The following ERCC5 variants were observed in gnomAD, a reference collection of about 807,000 sequenced individuals.
ERCC5 encodes the protein ERCC excision repair 5, endonuclease, also known as DNA excision repair protein ERCC-5.
In ERCC5, 68 loss-of-function variants were observed where a neutral mutation model predicts 105.6. The ratio of observed to expected loss-of-function variants is 0.64; its 90% CI spans 0.53 to 0.79. ERCC5 has a LOEUF of 0.79. Ranked by LOEUF, ERCC5 falls within the 30% of genes least tolerant of loss-of-function variation. The pLI, the probability that ERCC5 is intolerant of heterozygous loss-of-function variation, is 0.00. For missense variants in ERCC5, 1,373 were observed against 1,426.7 expected (o/e 0.96, Z 0.61); for synonymous variants, 546 against 526.2 (o/e 1.04, Z -0.51).
intron 13 of ERCC5, among the ~76,000 whole-genome samples, chr13:102,872,868 G>C (rs759913827): frequency 6.6e-6 from 1 of 152,202 alleles, no homozygotes; most frequent in African/African-American, 2.4e-5. Flanking sequence ...TGTCCTTTCC[G>C]TGTATATTTA....
At chr13:102,852,383 T>C in intron 2 of ERCC5, 90 bp downstream of exon 2, 1 of 1,432,444 alleles carries the variant, frequency 7.0e-7, no homozygotes, top group Non-Finnish European at 9.6e-7. Context: ...TGTTTTCTCT[T>C]TAGAATTTTA....
chr13:102,873,283 G>A lies in ERCC5; in HGVS notation c.2904G>A (p.Trp968Ter). The A allele has an allele frequency of 6.2e-7, 1 of 1,614,100 alleles. No individual in the cohort carries two copies. The highest frequency in any genetic ancestry group is 8.5e-7 in the Non-Finnish European group (1 of 1,180,006). The change falls in exon 14 of 15, where the codon TGG becomes TGA. Residue 968 changes from tryptophan (W) to a stop codon, truncating the protein, a stop_gained. Transcript: ENST00000652225. LOFTEE classifies it high-confidence loss of function. Reference sequence around the variant, plus strand: ...TATTTTGTCAGCGGTATTTCGGCTGGAACAGAACGAAGACAGATGAATCTC... The same window carrying A: ...TATTTTGTCAGCGGTATTTCGGCTGAAACAGAACGAAGACAGATGAATCTC... Reference protein sequence around the residue: ...IREFCQRYFGWNRTKTDESLF... With the variant: ...IREFCQRYFG
intron 10 of ERCC5, 82 bp downstream of exon 10, chr13:102,866,463 G>T (rs778220862): frequency 1.2e-6 from 2 of 1,611,174 alleles, no homozygotes; most frequent in Non-Finnish European, 1.7e-6. Flanking sequence ...GGTATGCACT[G>T]TGCCCCCTGG....
rs766848707 is a variant in ERCC5, at chr13:102,865,616, T to C, written c.1955-51T>C. ...CAGAAAGCTCTTGATGATTGCAGGA[T>C]CATTTTAATGTTTTGATTGTAGATG... is the stretch of plus-strand genomic sequence containing the variant. On this transcript the variant is annotated intron_variant, in intron 8 of 14. Coordinates refer to ENST00000652225, the MANE Select transcript of ERCC5 (RefSeq NM_000123.4). This position sits in a 1 kb window ranked among gnomAD's most constrained non-coding sequence, Gnocchi z 4.0. 6.2e-7 allele frequency: 1 copy of C among 1,606,212 alleles called. No individual in the cohort carries two copies. The highest frequency in any genetic ancestry group is 8.5e-7 in the Non-Finnish European group (1 of 1,176,810).
chr13:102,852,033 T>A, intron 1 of ERCC5, 85 bp from the exon 2 acceptor site: 1 of 1,458,236 alleles, frequency 6.9e-7, no homozygotes, highest in Non-Finnish European at 9.5e-7. Flanking sequence ...TGTTCAACGT[T>A]TGGATAATAT....
chr13:102,865,571 T>G lies in ERCC5; in HGVS notation c.1955-96T>G, dbSNP rs1292875996. 6.6e-7 allele frequency: 1 copy of G among 1,516,870 alleles called. No homozygotes were observed. The highest frequency in any genetic ancestry group is 1.4e-5 in the African/African-American group (1 of 72,570). The allele number at this position is 1,516,870 out of a possible 1,614,324, so 94.0% of individuals were successfully genotyped here. ...AGTCATATCTTTCCTTTTTAGGATG[T>G]AGCATTTTTCAGGTTCCTCCAGAAA... On this transcript the variant is annotated intron_variant, in intron 8 of 14. Transcript: ENST00000652225. The surrounding 1 kb of genome is among the most constrained non-coding windows in gnomAD (Gnocchi z 4.0).
At chr13:102,856,229 G>C (rs931058187) in intron 5 of ERCC5, 117 bp downstream of exon 5, 13 of 1,101,718 alleles carry the variant, frequency 1.2e-5, no homozygotes, top group Non-Finnish European at 1.6e-5. Flanking sequence ...AGTAAAGACA[G>C]ATGGCTTTTT....
intron 14 of ERCC5, among the ~76,000 whole-genome samples, chr13:102,874,430 T>TA (rs1192907687): frequency 6.6e-6 from 1 of 152,254 alleles, no homozygotes; most frequent in Non-Finnish European, 1.5e-5. Flanking sequence ...TCATGAAAGA[T>TA]ATTTAAATAA....
chr13:102,851,313 T>C (rs1882191634), intron 1 of ERCC5, among the ~76,000 whole-genome samples: 1 of 152,218 alleles, frequency 6.6e-6, no homozygotes, highest in Non-Finnish European at 1.5e-5. Context: ...TTTTCTTTTT[T>C]GAGACGGAGT....
chr13:102,857,616 T>A (rs1044127291), intron 5 of ERCC5, among the ~76,000 whole-genome samples: 30 of 114,276 alleles, frequency 2.6e-4, no homozygotes, highest in Admixed American at 2.1e-3. Context: ...CTTTTCCATG[T>A]CTTCTGTGAA....
At chr13:102,854,635 G>T (rs1882339055) in intron 4 of ERCC5, among the ~76,000 whole-genome samples, 1 of 152,078 alleles carries the variant, frequency 6.6e-6, no homozygotes, top group Non-Finnish European at 1.5e-5. Flanking sequence ...ATTCTCCAAG[G>T]CATGAATTTT....
intron 12 of ERCC5, among the ~76,000 whole-genome samples, chr13:102,868,765 A>C (rs995363898): frequency 6.6e-6 from 1 of 152,226 alleles, no homozygotes; most frequent in Non-Finnish European, 1.5e-5. Context: ...GTTTCTCACC[A>C]TGTGAATCCC....
chr13:102,865,532 A>G lies in ERCC5; in HGVS notation c.1955-135A>G, dbSNP rs1882799870. On this transcript the variant is annotated intron_variant, in intron 8 of 14. Coordinates refer to ENST00000652225, the MANE Select transcript of ERCC5 (RefSeq NM_000123.4). The surrounding 1 kb of genome is among the most constrained non-coding windows in gnomAD (Gnocchi z 4.0). ...TATTTATTAATAACGCTACTATTAC[A>G]TGTATTCTGTTATAGTCATATCTTT... is the stretch of plus-strand genomic sequence containing the variant. 4 of 1,212,776 alleles carry G rather than the reference A, an allele frequency of 3.3e-6. No individual in the cohort carries two copies. The highest frequency in any genetic ancestry group is 3.5e-6 in the Non-Finnish European group (3 of 858,288). 75.1% of individuals were successfully genotyped at this position (1,212,776 alleles called of 1,614,324 possible). A position where few individuals can be genotyped will look rare whatever the true frequency, so the allele number is the denominator to read the frequency against.
rs150447509 is a variant in ERCC5, at chr13:102,869,319, G to A, written c.2678+1062G>A. On this transcript the variant is annotated intron_variant, in intron 12 of 14. Coordinates refer to ENST00000652225, the MANE Select transcript of ERCC5 (RefSeq NM_000123.4). ...GGAATGAGTTATGAGGTAGACATACGTCATGGTAGGTAAATAACTTGAAAA... is the reference window on the plus strand; with the variant it reads ...GGAATGAGTTATGAGGTAGACATACATCATGGTAGGTAAATAACTTGAAAA... Among the ~76,000 whole-genome samples, 160 of 152,198 alleles carry A rather than the reference G, an allele frequency of 1.1e-3. 1 individual carries two copies. Among genetic ancestry groups the A allele is most frequent in the South Asian group, 3.3e-3 (16 of 4,810 alleles).
Position 102,865,881 on chromosome 13 carries a change from T to A in ERCC5, c.2169T>A (p.Asp723Glu), listed in dbSNP as rs1363106717. Reference protein sequence around the residue: ...EPQEAEKDAEDSLHEWQDINL... With the variant: ...EPQEAEKDAEESLHEWQDINL... ...AGGAAGCTGAGAAAGATGCGGAAGA[T>A]TCGCTCCATGAATGGCAAGATATTA... The change falls in exon 9 of 15, where the codon GAT becomes GAA. Residue 723 changes from aspartate to glutamate, a missense_variant. Physicochemically the swap from Asp to Glu is conservative, Grantham distance 45 (BLOSUM62 2). Coordinates refer to ENST00000652225, the MANE Select transcript of ERCC5 (RefSeq NM_000123.4). This position sits in a 1 kb window ranked among gnomAD's most constrained non-coding sequence, Gnocchi z 4.0. 6.2e-7 allele frequency: 1 copy of A among 1,614,244 alleles called. No individual in the cohort carries two copies. Among genetic ancestry groups the A allele is most frequent in the Non-Finnish European group, 8.5e-7 (1 of 1,180,050 alleles).
intron 6 of ERCC5, chr13:102,858,830 T>A (rs1232787952): frequency 1.3e-5 from 6 of 451,514 alleles, no homozygotes; most frequent in African/African-American, 8.0e-5. Context: ...TTGTAACCTA[T>A]AATATACATT....
Position 102,862,771 on chromosome 13 carries a change from A to G in ERCC5, c.1622A>G (p.Glu541Gly), listed in dbSNP as rs753005954. 2.5e-6 allele frequency: 4 copies of G among 1,614,230 alleles called. No homozygotes were observed. Among genetic ancestry groups the G allele is most frequent in the Non-Finnish European group, 3.4e-6 (4 of 1,180,038 alleles). ...GTGTCAAAGAATGAAACACATGCTG[A>G]AGTGCTTGAGCAGCAGAACGAACTT... ...NSVSKNETHAEVLEQQNELCP... is the reference protein window; with the variant it reads ...NSVSKNETHAGVLEQQNELCP... The change falls in exon 8 of 15, where the codon GAA (glutamate) becomes GGA (glycine). Residue 541 changes from glutamate to glycine, a missense_variant. Transcript: ENST00000652225.
Position 102,872,330 on chromosome 13 carries a change from C to G in ERCC5, c.2811C>G (p.Leu937=). 1 of 1,614,166 alleles carries G rather than the reference C, an allele frequency of 6.2e-7. No homozygotes were observed. The highest frequency in any genetic ancestry group is 8.5e-7 in the Non-Finnish European group (1 of 1,180,022). ...ACCCAGCTGTTGCCGAGGCCTACCTCAAACCCGTGGTGGATGACTCGAAGG... is the reference window on the plus strand; with the variant it reads ...ACCCAGCTGTTGCCGAGGCCTACCTGAAACCCGTGGTGGATGACTCGAAGG... ...FPNPAVAEAY[L]KPVVDDSKGS... The change falls in exon 13 of 15, where the codon CTC becomes CTG. Residue 937 remains leucine (L), a synonymous_variant. Transcript: ENST00000652225.
At chr13:102,851,759 T>G (rs1306444440) in intron 1 of ERCC5, among the ~76,000 whole-genome samples, 1 of 152,178 alleles carries the variant, frequency 6.6e-6, no homozygotes, top group Admixed American at 6.5e-5. Flanking sequence ...TTTTAAAAAG[T>G]TTTTTTCACT....
Sources: gnomAD v4.1 joint callset for allele counts (sites outside exome capture counted in the v4.1 genomes callset) on GRCh38, gnomAD v4.1.1 for gene constraint, Gnocchi (gnomAD v3.1) non-coding constraint, MANE v1.5 for transcripts, NCBI Gene and HGNC (gene_info 2026-07-23, HGNC 2026-07-21) for gene names.